Variants in ATOSA observed in about 807,000 individuals in gnomAD.
The protein encoded by ATOSA is atos homolog A.
At chr15:52,606,024 T>C in the ATOSA span, among the ~76,000 whole-genome samples, 1,158 of 152,188 alleles carry the variant, frequency 7.6e-3, 16 homozygotes, top group African/African-American at 0.027. Context: ...TTTCTCTCTT[T>C]CAAAGTATCT....
chr15:52,594,701 C>T, the ATOSA span, among the ~76,000 whole-genome samples: 3 of 152,178 alleles, frequency 2.0e-5, no homozygotes, highest in Non-Finnish European at 4.4e-5. Flanking sequence ...CTCTCAGTCT[C>T]AGGGCCTCAT....
chr15:52,662,331 G>T, the ATOSA span, among the ~76,000 whole-genome samples: 1 of 152,136 alleles, frequency 6.6e-6, no homozygotes, highest in Non-Finnish European at 1.5e-5. Context: ...TAATCCCATA[G>T]AATTCAAACT....
chr15:52,582,468 T>C, the ATOSA span, among the ~76,000 whole-genome samples: 2 of 152,240 alleles, frequency 1.3e-5, no homozygotes, highest in Admixed American at 1.3e-4. Context: ...GACCAAAGCA[T>C]ATGCTTTTAT....
the ATOSA span, among the ~76,000 whole-genome samples, chr15:52,670,293 T>C: frequency 6.6e-6 from 1 of 152,196 alleles, no homozygotes; most frequent in African/African-American, 2.4e-5. Flanking sequence ...GGAAACCATT[T>C]AGCAATCCCT....
chr15:52,613,340 T>C, the ATOSA span, among the ~76,000 whole-genome samples: 1 of 152,236 alleles, frequency 6.6e-6, no homozygotes, highest in African/African-American at 2.4e-5. Flanking sequence ...CACTCCAGCC[T>C]GGGCAACAGA....
chr15:52,660,860 G>T, the ATOSA span, among the ~76,000 whole-genome samples: 1 of 152,052 alleles, frequency 6.6e-6, no homozygotes, highest in African/African-American at 2.4e-5. Context: ...CTTCTTGTTG[G>T]TAAGGCTGGT....
At chr15:52,611,690 C>T in the ATOSA span, 2 of 1,613,888 alleles carry the variant, frequency 1.2e-6, no homozygotes, top group Non-Finnish European at 1.7e-6. Context: ...TAGCAGCAGT[C>T]TGGTAGTAGC....
the ATOSA span, among the ~76,000 whole-genome samples, chr15:52,694,015 G>A: frequency 6.6e-6 from 1 of 151,956 alleles, no homozygotes; most frequent in Non-Finnish European, 1.5e-5. Context: ...TGCACCATAT[G>A]GTATGACTAC....
At chr15:52,694,692 A>T in the ATOSA span, among the ~76,000 whole-genome samples, 1 of 151,870 alleles carries the variant, frequency 6.6e-6, no homozygotes, top group Admixed American at 6.6e-5. Flanking sequence ...TGAAAATTTG[A>T]CCTCACGCCC....
the ATOSA span, among the ~76,000 whole-genome samples, chr15:52,602,501 C>A: frequency 6.6e-6 from 1 of 152,130 alleles, no homozygotes; most frequent in Non-Finnish European, 1.5e-5. Flanking sequence ...TAAATCCTCA[C>A]TGCCCTGGGT....
At chr15:52,597,850 C>T in the ATOSA span, among the ~76,000 whole-genome samples, 3 of 152,104 alleles carry the variant, frequency 2.0e-5, no homozygotes, top group Non-Finnish European at 2.9e-5. Flanking sequence ...ATTGGCTAGG[C>T]GTGGTGGCTT....
chr15:52,604,183 AGGCGGAGGCG>A, the ATOSA span, among the ~76,000 whole-genome samples: 1 of 152,216 alleles, frequency 6.6e-6, no homozygotes, highest in Non-Finnish European at 1.5e-5. Context: ...GCACTTTGGG[AGGCGGAGGCG>A]GGCGGATCAC....
At chr15:52,654,683 CAA>C in the ATOSA span, among the ~76,000 whole-genome samples, 6 of 152,084 alleles carry the variant, frequency 3.9e-5, no homozygotes, top group Admixed American at 3.9e-4. Flanking sequence ...AGATCTTTTA[CAA>C]AAGTTTTAAA....
the ATOSA span, among the ~76,000 whole-genome samples, chr15:52,591,920 C>T: frequency 9.2e-5 from 14 of 152,214 alleles, no homozygotes; most frequent in South Asian, 6.2e-4. Flanking sequence ...CAGATGTGAA[C>T]GTTGTTGGGA....
chr15:52,656,011 A>T, the ATOSA span: 1 of 152,122 alleles, frequency 6.6e-6, no homozygotes, highest in Non-Finnish European at 1.5e-5. Context: ...ATGTCTGCAT[A>T]CATACACACA....
At chr15:52,703,915 T>C in the ATOSA span, among the ~76,000 whole-genome samples, 10 of 152,036 alleles carry the variant, frequency 6.6e-5, no homozygotes, top group Admixed American at 1.3e-4. Flanking sequence ...TGTGTAAAAA[T>C]TGGGGGCGGG....
At chr15:52,596,290 C>T in the ATOSA span, among the ~76,000 whole-genome samples, 3 of 152,100 alleles carry the variant, frequency 2.0e-5, no homozygotes, top group African/African-American at 7.2e-5. Context: ...AAAATCTCAG[C>T]AGGCTATTTT....
chr15:52,677,380 T>C, the ATOSA span, among the ~76,000 whole-genome samples: 7 of 152,230 alleles, frequency 4.6e-5, no homozygotes, highest in East Asian at 5.8e-4. Flanking sequence ...AAGAATTACC[T>C]TGAAGTCCTT....
chr15:52,697,957 A>ATTTTTTTTTTTTTT, the ATOSA span, among the ~76,000 whole-genome samples: 49 of 44,780 alleles, frequency 1.1e-3, 5 homozygotes, highest in Non-Finnish European at 1.6e-3. Context: ...GGGATGTAGA[A>ATTTTTTTTTTTTTT]TTTTTTTTTT....
Sources: gnomAD v4.1 joint callset for allele counts (sites outside exome capture counted in the v4.1 genomes callset) on GRCh38, gnomAD v4.1.1 for gene constraint, MANE v1.5 for transcripts, NCBI Gene and HGNC (gene_info 2026-07-23, HGNC 2026-07-21) for gene names.